Variants in PPARGC1A observed in about 807,000 individuals in gnomAD.
The protein encoded by PPARGC1A is peroxisome proliferator-activated receptor gamma coactivator 1-alpha.
PPARGC1A carries 25 observed loss-of-function variants against 88.7 expected under a neutral mutation model. The observed-to-expected ratio is 0.28, with a 90% CI of 0.21 to 0.39. PPARGC1A has a LOEUF of 0.39. PPARGC1A is among the 10% of genes least tolerant of loss of function. The pLI, the probability that PPARGC1A is intolerant of heterozygous loss-of-function variation, is 1.00. For missense variants in PPARGC1A, 880 were observed against 968.7 expected (o/e 0.91, Z 1.22); for synonymous variants, 363 against 355.6 (o/e 1.02, Z -0.24).
chr4:24,035,012 T>G, the PPARGC1A span, among the ~76,000 whole-genome samples: 1 of 152,118 alleles, frequency 6.6e-6, no homozygotes, highest in Admixed American at 6.5e-5. Context: ...TAATTCTTCC[T>G]CCTCTTTTTT....
chr4:24,022,079 G>C, the PPARGC1A span, among the ~76,000 whole-genome samples: 1 of 152,150 alleles, frequency 6.6e-6, no homozygotes, highest in East Asian at 1.9e-4. Context: ...TGGCTGAGGG[G>C]CCAGGTCAGG....
At chr4:23,991,522 A>C in the PPARGC1A span, among the ~76,000 whole-genome samples, 1 of 152,044 alleles carries the variant, frequency 6.6e-6, no homozygotes, top group Non-Finnish European at 1.5e-5. Context: ...AGAGCTTCAA[A>C]GAGATCATAA....
chr4:23,891,734 T>C (rs1317865937), upstream of PPARGC1A, among the ~76,000 whole-genome samples: 2 of 152,198 alleles, frequency 1.3e-5, no homozygotes, highest in Non-Finnish European at 2.9e-5. Flanking sequence ...CACCAGCACA[T>C]TTTCCCTTTT....
chr4:23,959,839 A>G, the PPARGC1A span, among the ~76,000 whole-genome samples: 386 of 152,246 alleles, frequency 2.5e-3, 1 homozygote, highest in Non-Finnish European at 4.4e-3. Flanking sequence ...ATTTGGATGC[A>G]CAAGTCAAGG....
At chr4:24,472,660 G>GGCTGCC in the PPARGC1A span, among the ~76,000 whole-genome samples, 47 of 151,932 alleles carry the variant, frequency 3.1e-4, no homozygotes, top group African/African-American at 1.1e-3. This position sits in a 1 kb window ranked among gnomAD's most constrained non-coding sequence, Gnocchi z 4.5. Context: ...GGGATGCTCG[G>GGCTGCC]GCTGCCGCCG....
At chr4:24,115,502 A>C in the PPARGC1A span, among the ~76,000 whole-genome samples, 1 of 152,148 alleles carries the variant, frequency 6.6e-6, no homozygotes, top group Non-Finnish European at 1.5e-5. Flanking sequence ...CAGACATCTC[A>C]ATTTCAATCT....
At chr4:24,030,886 A>T in the PPARGC1A span, among the ~76,000 whole-genome samples, 1 of 152,160 alleles carries the variant, frequency 6.6e-6, no homozygotes, top group Non-Finnish European at 1.5e-5. Flanking sequence ...TCTTCCAACA[A>T]ACAGTTGTTT....
At chr4:24,247,562 CAA>C in the PPARGC1A span, among the ~76,000 whole-genome samples, 47 of 152,172 alleles carry the variant, frequency 3.1e-4, 1 homozygote, top group Admixed American at 1.4e-3. Flanking sequence ...TAATTTACGC[CAA>C]AGAGATCAGC....
At chr4:23,837,411 C>G (rs1391744131) in intron 2 of PPARGC1A, among the ~76,000 whole-genome samples, 1 of 147,808 alleles carries the variant, frequency 6.8e-6, no homozygotes, top group Non-Finnish European at 1.5e-5. Flanking sequence ...AAAGAGTTGA[C>G]AAAGGCCTGA....
At chr4:24,139,536 A>G in the PPARGC1A span, among the ~76,000 whole-genome samples, 1 of 152,176 alleles carries the variant, frequency 6.6e-6, no homozygotes, top group Non-Finnish European at 1.5e-5. Flanking sequence ...TGAAGAGAAA[A>G]ACAGAGTTTT....
the PPARGC1A span, among the ~76,000 whole-genome samples, chr4:23,986,742 T>C: frequency 6.6e-6 from 1 of 151,994 alleles, no homozygotes; most frequent in Non-Finnish European, 1.5e-5. Flanking sequence ...AAAACAAAAT[T>C]CTAACTCAGG....
At chr4:24,369,274 A>T in the PPARGC1A span, among the ~76,000 whole-genome samples, 1 of 152,172 alleles carries the variant, frequency 6.6e-6, no homozygotes, top group Non-Finnish European at 1.5e-5. Flanking sequence ...ATTATTTTTT[A>T]AAACTAGTCT....
At position 23,831,686 on chromosome 4, in the gene PPARGC1A, A is replaced by G. The variant is rs528134545; in HGVS notation, c.300T>C (p.Pro100=). 1 of 1,614,010 alleles carries G rather than the reference A, an allele frequency of 6.2e-7. No individual in the cohort carries two copies. Among genetic ancestry groups the G allele is most frequent in the East Asian group, 2.2e-5 (1 of 44,862 alleles). ...ATGAGGGCAATCCGTCTTCATCCACAGGGAGACTGTCTAGTGTCTCTGTGA... is the reference window on the plus strand; with the variant it reads ...ATGAGGGCAATCCGTCTTCATCCACGGGGAGACTGTCTAGTGTCTCTGTGA... ...AVLTETLDSL[P]VDEDGLPSFD... is the part of the protein sequence containing the mutation. The change falls in exon 3 of 13, where the codon CCT becomes CCC. Residue 100 remains proline, a synonymous_variant. Transcript: ENST00000264867.
At chr4:24,461,659 CTCT>C in the PPARGC1A span, among the ~76,000 whole-genome samples, 2 of 151,890 alleles carry the variant, frequency 1.3e-5, no homozygotes, top group Non-Finnish European at 2.9e-5. Flanking sequence ...TAAATGAAAG[CTCT>C]CTTAGGGGGT....
the PPARGC1A span, among the ~76,000 whole-genome samples, chr4:23,918,577 C>A: frequency 1.3e-5 from 2 of 152,088 alleles, no homozygotes; most frequent in African/African-American, 4.8e-5. Context: ...CTTAATGAGA[C>A]ATCATGACAA....
chr4:24,055,794 A>G, the PPARGC1A span, among the ~76,000 whole-genome samples: 10 of 152,154 alleles, frequency 6.6e-5, no homozygotes, highest in African/African-American at 2.4e-4. Flanking sequence ...TCCTCCAGGT[A>G]GGAAAGCATT....
chr4:24,406,777 C>T, the PPARGC1A span, among the ~76,000 whole-genome samples: 1 of 152,152 alleles, frequency 6.6e-6, no homozygotes, highest in African/African-American at 2.4e-5. Context: ...CAGAGAACAA[C>T]CTAATGAGAT....
chr4:24,130,732 T>G, the PPARGC1A span, among the ~76,000 whole-genome samples: 1 of 152,042 alleles, frequency 6.6e-6, no homozygotes, highest in Non-Finnish European at 1.5e-5. Context: ...AAGTAGAAAG[T>G]TCTAACATTT....
chr4:23,889,259 G>T, intron 1 of PPARGC1A: 1 of 985,358 alleles, frequency 1.0e-6, no homozygotes, highest in Non-Finnish European at 1.2e-6. Context: ...CCCTGCCACC[G>T]ACGCGAACGG....
Sources: allele counts gnomAD v4.1 joint callset (sites outside exome capture counted in the v4.1 genomes callset), GRCh38; gene constraint gnomAD v4.1.1; non-coding constraint Gnocchi (gnomAD v3.1); transcripts MANE v1.5; gene names NCBI Gene and HGNC (gene_info 2026-07-23, HGNC 2026-07-21).